Variants in PTPRG observed in about 807,000 individuals in gnomAD.
PTPRG encodes receptor-type tyrosine-protein phosphatase gamma.
PTPRG carries 102 observed loss-of-function variants against 165.3 expected under a neutral mutation model. The ratio of observed to expected loss-of-function variants is 0.62; its 90% CI spans 0.53 to 0.73. The LOEUF is 0.73. Among genes scored for constraint, PTPRG ranks in the 30% least tolerant of loss-of-function variants. The pLI, the probability that PTPRG is intolerant of heterozygous loss-of-function variation, is 0.00. For missense variants in PTPRG, 1,866 were observed against 1,861.4 expected (o/e 1.00, Z -0.05); for synonymous variants, 675 against 669.5 (o/e 1.01, Z -0.13).
intron 2 of PTPRG, among the ~76,000 whole-genome samples, chr3:61,777,849 C>T (rs1247222977): frequency 6.6e-6 from 1 of 152,160 alleles, no homozygotes; most frequent in Non-Finnish European, 1.5e-5. Flanking sequence ...TGAAGAAAGT[C>T]TCCCATAATA....
At chr3:62,208,754 G>A (rs934373513) in intron 12 of PTPRG, among the ~76,000 whole-genome samples, 3 of 152,206 alleles carry the variant, frequency 2.0e-5, no homozygotes, top group Non-Finnish European at 4.4e-5. Flanking sequence ...GAACTCTTAA[G>A]CACTAAGGAA....
chr3:61,859,102 A>T (rs1293889798), intron 2 of PTPRG, among the ~76,000 whole-genome samples: 2 of 152,162 alleles, frequency 1.3e-5, no homozygotes, highest in African/African-American at 4.8e-5. Flanking sequence ...AATAAAGCTT[A>T]ATCTAGTGGA....
At chr3:62,035,560 C>T (rs1356470912) in intron 4 of PTPRG, among the ~76,000 whole-genome samples, 1 of 152,228 alleles carries the variant, frequency 6.6e-6, no homozygotes, top group Non-Finnish European at 1.5e-5. Flanking sequence ...AGCTCAGTCC[C>T]TAGCCCTGTC....
intron 1 of PTPRG, among the ~76,000 whole-genome samples, chr3:61,605,689 C>T (rs151212335): frequency 6.6e-6 from 1 of 152,114 alleles, no homozygotes; most frequent in Non-Finnish European, 1.5e-5. Context: ...TCACCTCTGC[C>T]TCCCAAGTAG....
intron 2 of PTPRG, among the ~76,000 whole-genome samples, chr3:61,880,705 A>G (rs891038542): frequency 3.9e-5 from 6 of 152,132 alleles, no homozygotes; most frequent in African/African-American, 1.4e-4. Flanking sequence ...AAGAGCTAAA[A>G]GAATGAGAAC....
chr3:61,620,404 A>G (rs1701417164), intron 1 of PTPRG, among the ~76,000 whole-genome samples: 1 of 152,166 alleles, frequency 6.6e-6, no homozygotes, highest in Non-Finnish European at 1.5e-5. Flanking sequence ...TTGCAGAGGG[A>G]AAATGGGATT....
intron 2 of PTPRG, among the ~76,000 whole-genome samples, chr3:61,812,789 A>G (rs114324889): frequency 0.012 from 1,841 of 152,322 alleles, 33 homozygotes; most frequent in African/African-American, 0.041. Context: ...GATGCAGTTA[A>G]GAGTGTGGGA....
chr3:61,674,438 G>T (rs1378850591), intron 1 of PTPRG, among the ~76,000 whole-genome samples: 1 of 126,242 alleles, frequency 7.9e-6, no homozygotes, highest in Non-Finnish European at 1.6e-5. Context: ...AGTCAGCTGA[G>T]ATCGCCCCAC....
Position 61,606,193 on chromosome 3 carries a change from T to G in PTPRG, c.85+43821T>G, listed in dbSNP as rs575161602. ...CTGTGATCTCATCGGAGGCTCATTC[T>G]CTCCCAGGCTTGCTGGTTGTTAGCA... On this transcript the variant is annotated intron_variant, in intron 1 of 29. Coordinates refer to ENST00000474889, the MANE Select transcript of PTPRG (RefSeq NM_002841.4). Among the ~76,000 whole-genome samples the G allele has an allele frequency of 2.2e-3, 335 of 152,298 alleles. 2 individuals carry two copies. Among genetic ancestry groups the G allele is most frequent in the African/African-American group, 7.5e-3 (313 of 41,564 alleles).
At chr3:61,977,026 C>G (rs2040525544) in intron 2 of PTPRG, among the ~76,000 whole-genome samples, 2 of 151,984 alleles carry the variant, frequency 1.3e-5, no homozygotes, top group African/African-American at 4.8e-5. Flanking sequence ...GTTTCTCAAC[C>G]TTGTTTATTA....
rs557989802 is a variant in PTPRG at position 62,052,694 on chromosome 3, T to TA, written c.520-25459dup. 2.9e-3 allele frequency among the ~76,000 whole-genome samples: 426 copies of TA among 148,818 alleles called. 2 individuals carry two copies. Among genetic ancestry groups the TA allele is most frequent in the African/African-American group, 9.9e-3 (401 of 40,650 alleles). On this transcript the variant is annotated intron_variant, in intron 4 of 29. Transcript: ENST00000474889. ...TGGGTGACAGTGAGAACCTGTCTCT[T>TA]AAAAAAAAAAGAAAGAAAAGAAATG...
intron 17 of PTPRG, 120 bp downstream of exon 17, chr3:62,263,014 A>G: frequency 1.4e-6 from 1 of 723,300 alleles, no homozygotes; most frequent in Non-Finnish European, 2.3e-6. Context: ...CTTGCAAGCT[A>G]ACCTCTCATT....
intron 1 of PTPRG, among the ~76,000 whole-genome samples, chr3:61,705,392 T>G (rs907325089): frequency 1.3e-5 from 2 of 152,154 alleles, no homozygotes; most frequent in African/African-American, 2.4e-5. Flanking sequence ...CATTATTTGC[T>G]CAAGGCTGCT....
At chr3:61,568,221 C>T (rs1038491643) in intron 1 of PTPRG, among the ~76,000 whole-genome samples, 1 of 152,192 alleles carries the variant, frequency 6.6e-6, no homozygotes, top group Non-Finnish European at 1.5e-5. Context: ...CCTTGCTTTT[C>T]CCTACAATTT....
chr3:61,974,836 G>C (rs553160009), intron 2 of PTPRG, among the ~76,000 whole-genome samples: 5 of 152,308 alleles, frequency 3.3e-5, no homozygotes, highest in African/African-American at 1.2e-4. Flanking sequence ...TTAGCTGAGA[G>C]ATCCTGTCCT....
intron 2 of PTPRG, among the ~76,000 whole-genome samples, chr3:61,864,675 G>T (rs1335712472): frequency 6.6e-6 from 1 of 151,324 alleles, no homozygotes. Flanking sequence ...CTTTAAATCC[G>T]GTTCACCAGC....
At chr3:61,632,345 A>C (rs1701793375) in intron 1 of PTPRG, among the ~76,000 whole-genome samples, 1 of 151,790 alleles carries the variant, frequency 6.6e-6, no homozygotes, top group African/African-American at 2.4e-5. Context: ...ACAAATCTAT[A>C]GTCTAGAGGA....
chr3:62,204,737 C>T (rs1700184549), intron 12 of PTPRG, among the ~76,000 whole-genome samples: 1 of 152,126 alleles, frequency 6.6e-6, no homozygotes, highest in Admixed American at 6.5e-5. Context: ...CCCTCTCTCC[C>T]AGAGCTCCCA....
intron 3 of PTPRG, among the ~76,000 whole-genome samples, chr3:61,998,415 G>A (rs2041090312): frequency 1.3e-5 from 2 of 152,298 alleles, no homozygotes; most frequent in Non-Finnish European, 2.9e-5. Context: ...GTGAGCATTC[G>A]TCGTATATCA....
Sources: gnomAD v4.1 joint callset for allele counts (sites outside exome capture counted in the v4.1 genomes callset) on GRCh38, gnomAD v4.1.1 for gene constraint, MANE v1.5 for transcripts, NCBI Gene and HGNC (gene_info 2026-07-23, HGNC 2026-07-21) for gene names.